Variants in PDIA6 observed in about 807,000 individuals in gnomAD.
The protein encoded by PDIA6 is protein disulfide-isomerase A6.
In PDIA6, 29 loss-of-function variants were observed where a neutral mutation model predicts 58.4. That is an observed-to-expected ratio of 0.50 (90% CI 0.37 to 0.68). The LOEUF (loss-of-function observed/expected upper bound fraction) is 0.68. PDIA6 is among the 30% of genes least tolerant of loss of function. The pLI, the probability that PDIA6 is intolerant of heterozygous loss-of-function variation, is 0.00. For synonymous variants in PDIA6, 192 were observed against 202.6 expected (o/e 0.95, Z 0.44); for missense variants, 480 against 551.0 (o/e 0.87, Z 1.29).
chr2:10,789,214 C>T (rs774487721), intron 8 of PDIA6, among the ~76,000 whole-genome samples: 73 of 152,186 alleles, frequency 4.8e-4, no homozygotes, highest in Non-Finnish European at 9.7e-4. Context: ...AGCACACATA[C>T]AAACATCTCT....
chr2:10,797,251 G>T, intron 3 of PDIA6, 44 bp from the exon 4 acceptor site: 2 of 1,588,528 alleles, frequency 1.3e-6, no homozygotes, highest in Non-Finnish European at 8.6e-7. Context: ...TTCCGCTAAA[G>T]CAGACTCCAC....
At position 10,785,024 on chromosome 2, in the gene PDIA6, G is replaced by A. The variant is rs1334186423; in HGVS notation, c.1164C>T (p.Leu388=). Residue 388 remains leucine, a synonymous_variant, in exon 12 of 13, where the codon CTC becomes CTT. Transcript: ENST00000272227. ...GTGCCGTGGAGCCACGCCCAAAAGA[G>A]AGCTCCCTTAGGGAAAAATGACCAA... ...EQGINEFLRE[L]SFGRGSTAPV... 2 of 1,574,972 alleles carry A rather than the reference G, an allele frequency of 1.3e-6. No individual in the cohort carries two copies. The highest frequency in any genetic ancestry group is 1.2e-5 in the South Asian group (1 of 86,138).
chr2:10,810,458 G>A, intron 1 of PDIA6: 1 of 1,344,758 alleles, frequency 7.4e-7, no homozygotes, highest in Non-Finnish European at 9.5e-7. Flanking sequence ...TTTCACCTTA[G>A]GAATGTCCTT....
upstream of PDIA6, among the ~76,000 whole-genome samples, chr2:10,836,086 C>T (rs986652651): frequency 1.3e-5 from 2 of 152,018 alleles, no homozygotes; most frequent in Admixed American, 6.6e-5. Context: ...CCGTGGAGTA[C>T]CTTGGTGCCT....
chr2:10,793,697 C>T lies in PDIA6; in HGVS notation c.347-495G>A, dbSNP rs117412878. 9.5e-4 allele frequency among the ~76,000 whole-genome samples: 144 copies of T among 152,252 alleles called. No homozygotes were observed. The East Asian group carries it at 0.023, about 24-fold the overall frequency. ...CTTCTTAAGTTTTACGTAGTGTGAA[C>T]GAAAACTCCCTGCTCAAACACCATC... On this transcript the variant is annotated intron_variant, in intron 4 of 12. Transcript: ENST00000272227.
intron 1 of PDIA6, among the ~76,000 whole-genome samples, chr2:10,825,735 G>A (rs1002959235): frequency 3.3e-5 from 5 of 152,198 alleles, no homozygotes; most frequent in Admixed American, 6.5e-5. Context: ...GATGCTCAGC[G>A]TCATTAGTTA....
Position 10,797,186 on chromosome 2 carries a change from CT to C in PDIA6, c.240del (p.Val81LeufsTer9). 6.2e-7 allele frequency: 1 copy of C among 1,609,766 alleles called. No homozygotes were observed. The highest frequency in any genetic ancestry group is 8.5e-7 in the Non-Finnish European group (1 of 1,178,650). ...AGGGAATGATGCTTATCTGCATCAA[CT>C]GCACCAACTTTGACAACATCCTGTG... is the stretch of plus-strand genomic sequence containing the variant. ...TALKDVVKVG[A>X]VDADKHHSLG... On this transcript the variant is annotated frameshift_variant, in exon 4 of 13. Transcript: ENST00000272227. LOFTEE classifies it high-confidence loss of function.
chr2:10,803,138 C>A (rs538732850), intron 1 of PDIA6, among the ~76,000 whole-genome samples: 29 of 152,168 alleles, frequency 1.9e-4, no homozygotes, highest in Non-Finnish European at 3.5e-4. Context: ...GATTGTGACT[C>A]TTTCAAGGGC....
chr2:10,789,825 C>T lies in PDIA6; in HGVS notation c.764G>A (p.Gly255Glu). ...GGACACGATGTCGGATCTTGTCCGC[C>T]CACCGTCATAATCCACAGGAGACTC... ...KGESPVDYDG[G>E]RTRSDIVSRA... Residue 255 changes from glycine to glutamate, a missense_variant, in exon 8 of 13, where the codon GGG becomes GAG. Physicochemically the swap from Gly to Glu is moderately conservative, Grantham distance 98. Coordinates refer to ENST00000272227, the MANE Select transcript of PDIA6 (RefSeq NM_005742.4). The T allele has an allele frequency of 6.2e-7, 1 of 1,613,598 alleles. No homozygotes were observed. Among genetic ancestry groups the T allele is most frequent in the Non-Finnish European group, 8.5e-7 (1 of 1,179,700 alleles).
chr2:10,809,656 A>AC (rs1666917193), intron 1 of PDIA6, among the ~76,000 whole-genome samples: 3 of 149,710 alleles, frequency 2.0e-5, no homozygotes, highest in Admixed American at 6.8e-5. Flanking sequence ...AAAAAAAAAA[A>AC]AAAAAAAAAA....
chr2:10,819,911 C>T (rs187917172), intron 1 of PDIA6, among the ~76,000 whole-genome samples: 2 of 152,152 alleles, frequency 1.3e-5, no homozygotes, highest in South Asian at 2.1e-4. Context: ...CCGAGAAGCC[C>T]GCCTCTGCTG....
upstream of PDIA6, among the ~76,000 whole-genome samples, chr2:10,817,605 T>C (rs980370928): frequency 1.3e-5 from 2 of 152,192 alleles, no homozygotes; most frequent in Non-Finnish European, 2.9e-5. Context: ...GCCTTGCCAA[T>C]GGAATGGGAG....
In PDIA6 at chr2:10,820,820, T is replaced by C. The variant is rs1268188978; in HGVS notation, c.-47-1466A>G. The C allele has an allele frequency of 1.0e-5, 7 of 703,024 alleles. No individual in the cohort carries two copies. The Admixed American group carries it at 1.0e-4, about 10-fold the overall frequency. The allele number at this position is 703,024 out of a possible 1,614,324, so 43.5% of individuals were successfully genotyped here. On this transcript the variant is annotated intron_variant, in intron 1 of 13. Coordinates refer to the PDIA6 transcript ENST00000381611. ...TGGCTGGGACCTCAACTGGGGCCAG[T>C]GGTCGGCACACCCACACAAGCTTCT...
intron 11 of PDIA6, among the ~76,000 whole-genome samples, chr2:10,786,128 G>A (rs181973835): frequency 2.0e-4 from 31 of 152,190 alleles, no homozygotes; most frequent in Middle Eastern, 3.4e-3. Context: ...TTTGAGACCC[G>A]CCTGGCCAAC....
At chr2:10,832,425 A>C in exon 1 of PDIA6, 4 of 985,444 alleles carry the variant, frequency 4.1e-6, no homozygotes, top group Non-Finnish European at 3.6e-6. Flanking sequence ...GTGGGATTCT[A>C]TTAATTCCTG....
chr2:10,798,487 G>T (rs548382916), intron 2 of PDIA6, among the ~76,000 whole-genome samples: 1 of 149,110 alleles, frequency 6.7e-6, no homozygotes, highest in African/African-American at 2.5e-5. Flanking sequence ...GGAATCGCTT[G>T]AACTCGGGAA....
chr2:10,810,865 C>G (rs1666974699), intron 1 of PDIA6, among the ~76,000 whole-genome samples: 1 of 152,134 alleles, frequency 6.6e-6, no homozygotes, highest in Non-Finnish European at 1.5e-5. Flanking sequence ...TTCACATCAC[C>G]ATTCCACTCA....
In PDIA6 at chr2:10,802,492, T is replaced by C; in HGVS notation, c.161+7A>G. ...TAAATAATCTACAACTATTTTATAA[T>C]ACTTACCATGGAGCATAGAATTCTA... On this transcript the variant is annotated splice_region_variant and intron_variant, in intron 2 of 12. Transcript: ENST00000272227. The C allele has an allele frequency of 1.5e-6, 2 of 1,350,348 alleles. No homozygotes were observed. Among genetic ancestry groups the C allele is most frequent in the Non-Finnish European group, 1.9e-6 (2 of 1,037,424 alleles). 83.6% of individuals were successfully genotyped at this position (1,350,348 alleles called of 1,614,324 possible). A position where few individuals can be genotyped will look rare whatever the true frequency, so the allele number is the denominator to read the frequency against.
In PDIA6 at chr2:10,804,493, G is replaced by A. The variant is rs376084240; in HGVS notation, c.20-1853C>T. The stretch of plus-strand genomic sequence containing the variant: ...GATCAGATAGTTGTAGACAGGCAGC[G>A]TTATTTCTGAGGGCTCTGTTCTGTT... On this transcript the variant is annotated intron_variant, in intron 1 of 12. Coordinates refer to ENST00000272227, the MANE Select transcript of PDIA6 (RefSeq NM_005742.4). Among the ~76,000 whole-genome samples the A allele has an allele frequency of 2.3e-4, 25 of 107,240 alleles. 6 individuals carry two copies. Among genetic ancestry groups the A allele is most frequent in the East Asian group, 2.1e-3 (8 of 3,750 alleles). The allele number at this position is 107,240 out of a possible 152,430, so 70.4% of individuals were successfully genotyped here.
Sources: allele counts gnomAD v4.1 joint callset (sites outside exome capture counted in the v4.1 genomes callset), GRCh38; gene constraint gnomAD v4.1.1; transcripts MANE v1.5; gene names NCBI Gene and HGNC (gene_info 2026-07-23, HGNC 2026-07-21).